The following TBCCD1 variants were observed in gnomAD, a reference collection of about 807,000 sequenced individuals.
TBCCD1 encodes the protein TBCC domain containing 1, also known as TBCC domain-containing protein 1.
TBCCD1 carries 26 observed loss-of-function variants against 53.4 expected under a neutral mutation model. That is an observed-to-expected ratio of 0.49 (90% CI 0.36 to 0.68). The LOEUF (loss-of-function observed/expected upper bound fraction) is 0.68. Among genes scored for constraint, TBCCD1 ranks in the 30% least tolerant of loss-of-function variants. The pLI, the probability that TBCCD1 is intolerant of heterozygous loss-of-function variation, is 0.00. For missense variants in TBCCD1, 558 were observed against 669.5 expected (o/e 0.83, Z 1.84); for synonymous variants, 245 against 241.7 (o/e 1.01, Z -0.13).
chr3:186,550,344 G>A (rs569709355), intron 7 of TBCCD1, among the ~76,000 whole-genome samples: 1 of 152,196 alleles, frequency 6.6e-6, no homozygotes, highest in African/African-American at 2.4e-5. Context: ...CATCACTTTG[G>A]GAAGCCAAGG....
At chr3:186,570,252 T>C, upstream of TBCCD1, 1 of 590,784 alleles carries the variant, frequency 1.7e-6, no homozygotes, top group East Asian at 2.8e-5. Context: ...TGTCGTGGAA[T>C]AACTGTTCCC....
chr3:186,551,075 T>TA (rs1714358879), intron 7 of TBCCD1, 54 bp downstream of exon 7: 3 of 1,560,226 alleles, frequency 1.9e-6, no homozygotes, highest in East Asian at 2.2e-5. Flanking sequence ...GCCTTTTTTT[T>TA]ATGCTTGAAA....
At chr3:186,570,103 T>C, upstream of TBCCD1, 1 of 702,164 alleles carries the variant, frequency 1.4e-6, no homozygotes, top group Non-Finnish European at 2.6e-6. Context: ...GTGGGGGGTC[T>C]CACCACTAAG....
rs780610943 is a variant in TBCCD1 at position 186,564,281 on chromosome 3, C to G, written c.49G>C (p.Val17Leu). Residue 17 changes from valine (V) to leucine (L), a missense_variant, in exon 2 of 8, where the codon GTG (valine) becomes CTG (leucine). Transcript: ENST00000338733. ...GGAGGGGGGACCTGCAAGGCACCCACTATAAAGGGTTCTGCTTTCACCCAG... is the reference window on the plus strand; with the variant it reads ...GGAGGGGGGACCTGCAAGGCACCCAGTATAAAGGGTTCTGCTTTCACCCAG... ...LLWVKAEPFI[V>L]GALQVPPPSK... 3.1e-6 allele frequency: 5 copies of G among 1,614,144 alleles called. No individual in the cohort carries two copies. The highest frequency in any genetic ancestry group is 4.2e-6 in the Non-Finnish European group (5 of 1,180,012).
In TBCCD1 at chr3:186,558,525, C is replaced by T; in HGVS notation, c.384G>A (p.Gln128=). Residue 128 remains glutamine, a synonymous_variant, in exon 3 of 8, where the codon CAG becomes CAA. Coordinates refer to ENST00000338733, the MANE Select transcript of TBCCD1 (RefSeq NM_018138.5). The part of the protein sequence containing the change: ...LQFLLFLYIQ[Q]LNKVSLRTSL... The stretch of plus-strand genomic sequence containing the variant: ...ATGTCCTTAGGGAGACCTTGTTCAA[C>T]TGTTGAATGTATAAGAAGAGCAGAA... The T allele has an allele frequency of 6.2e-7, 1 of 1,614,176 alleles. No individual in the cohort carries two copies. The highest frequency in any genetic ancestry group is 2.2e-5 in the East Asian group (1 of 44,870).
chr3:186,557,906 G>A (rs1263619973), intron 3 of TBCCD1, among the ~76,000 whole-genome samples: 2 of 152,060 alleles, frequency 1.3e-5, no homozygotes, highest in Non-Finnish European at 2.9e-5. Flanking sequence ...ACAAGAACAA[G>A]TAAAAATATT....
At chr3:186,549,302 A>AAATT (rs1301584657) in intron 7 of TBCCD1, among the ~76,000 whole-genome samples, 2 of 152,108 alleles carry the variant, frequency 1.3e-5, no homozygotes, top group Non-Finnish European at 2.9e-5. Flanking sequence ...ATAAATAAAT[A>AAATT]AATTAATTAA....
upstream of TBCCD1, chr3:186,567,485 A>C (rs1714875119): frequency 6.6e-6 from 1 of 152,082 alleles, no homozygotes; most frequent in African/African-American, 2.4e-5. Flanking sequence ...GAGAGTCCGC[A>C]ACAGTGGCAC....
In TBCCD1 at chr3:186,554,574, G is replaced by A. The variant is rs775123210; in HGVS notation, c.1224C>T (p.Leu408=). ...CAAAAGTTACTGTCTGGTTCCCAGA[G>A]AGAATAAGTGGGCGTGTAGGCGTAA... is the stretch of plus-strand genomic sequence containing the variant. ...HVLTPTRPLI[L]SGNQTVTFAP... The change falls in exon 6 of 8, where the codon CTC becomes CTT. Residue 408 remains leucine (L), a synonymous_variant. Transcript: ENST00000338733. The A allele has an allele frequency of 6.2e-7, 1 of 1,614,220 alleles. No homozygotes were observed. Among genetic ancestry groups the A allele is most frequent in the East Asian group, 2.2e-5 (1 of 44,882 alleles).
intron 7 of TBCCD1, 34 bp downstream of exon 7, chr3:186,551,094 CA>C (rs1714359344): frequency 6.4e-7 from 1 of 1,568,642 alleles, no homozygotes; most frequent in South Asian, 1.2e-5. Context: ...AAGATTTCCC[CA>C]AAAGAATCTG....
intron 2 of TBCCD1, 133 bp downstream of exon 2, chr3:186,563,861 C>A: frequency 2.6e-6 from 3 of 1,144,328 alleles, no homozygotes; most frequent in Non-Finnish European, 3.6e-6. Context: ...GCCGGGAGTT[C>A]AAGACCAGCC....
rs1714768556 is a variant in TBCCD1 at position 186,564,330 on chromosome 3, A to G, written c.-1T>C. 8.7e-6 allele frequency: 14 copies of G among 1,601,300 alleles called. No homozygotes were observed. The highest frequency in any genetic ancestry group is 1.2e-5 in the Non-Finnish European group (14 of 1,172,804). ...AGAGGAGAACTCTGGACTGATCCAT[A>G]TTATCTCTAAGGACATCAGGGTGAA... is the stretch of plus-strand genomic sequence containing the variant. On this transcript the variant is annotated 5_prime_UTR_variant, in exon 2 of 8. Coordinates refer to ENST00000338733, the MANE Select transcript of TBCCD1 (RefSeq NM_018138.5).
intron 2 of TBCCD1, 49 bp from the exon 3 acceptor site, chr3:186,558,621 C>A (rs753569152): frequency 2.5e-6 from 4 of 1,583,356 alleles, no homozygotes; most frequent in East Asian, 4.5e-5. Context: ...AAACATCAAC[C>A]ACTAGTCTAA....
At chr3:186,566,230 G>A (rs920717228) in intron 1 of TBCCD1, among the ~76,000 whole-genome samples, 8 of 152,096 alleles carry the variant, frequency 5.3e-5, no homozygotes, top group Admixed American at 1.3e-4. Flanking sequence ...AGTACAGACA[G>A]GGTTTCACCA....
At chr3:186,566,550 G>A (rs1438832707) in intron 1 of TBCCD1, among the ~76,000 whole-genome samples, 2 of 152,172 alleles carry the variant, frequency 1.3e-5, no homozygotes, top group Non-Finnish European at 2.9e-5. Context: ...TTTCCCTAAG[G>A]ACACCTACTT....
intron 1 of TBCCD1, among the ~76,000 whole-genome samples, chr3:186,566,715 G>C (rs1329766119): frequency 6.6e-6 from 1 of 152,234 alleles, no homozygotes; most frequent in Admixed American, 6.5e-5. Flanking sequence ...AGGAAGCCAG[G>C]TGAAAGAACC....
At chr3:186,551,108 T>A in intron 7 of TBCCD1, 21 bp downstream of exon 7, 2 of 1,595,206 alleles carry the variant, frequency 1.3e-6, no homozygotes, top group Non-Finnish European at 8.5e-7. Flanking sequence ...AGAATCTGTT[T>A]TAAGTGGTAT....
At position 186,551,421 on chromosome 3, in the gene TBCCD1, G is replaced by A. The variant is rs1026373110; in HGVS notation, c.1545-142C>T. On this transcript the variant is annotated intron_variant, in intron 6 of 7. Transcript: ENST00000338733. ...TATCCTTTTGTTCTCACTGTTCAGA[G>A]TACACTGGACACCCCCACCCCACAA... The A allele has an allele frequency of 4.3e-5, 37 of 851,340 alleles. No individual in the cohort carries two copies. The African/African-American group carries it at 5.7e-4, about 13-fold the overall frequency. 52.7% of individuals were successfully genotyped at this position (851,340 alleles called of 1,614,324 possible). A position where few individuals can be genotyped will look rare whatever the true frequency, so the allele number is the denominator to read the frequency against.
In TBCCD1 at chr3:186,551,297, A is replaced by G. The variant is rs749837307; in HGVS notation, c.1545-18T>C. 4.4e-5 allele frequency: 70 copies of G among 1,606,780 alleles called. 1 individual carries two copies. The Middle Eastern group carries it at 2.5e-3, about 57-fold the overall frequency. ...TTTGATCCCTAAAATTGCGATTATG[A>G]GTAAAAAGAATATAAGAACATGAAT... On this transcript the variant is annotated intron_variant, in intron 6 of 7. Transcript: ENST00000338733.
Sources: gnomAD v4.1 joint callset for allele counts (sites outside exome capture counted in the v4.1 genomes callset) on GRCh38, gnomAD v4.1.1 for gene constraint, MANE v1.5 for transcripts, NCBI Gene and HGNC (gene_info 2026-07-23, HGNC 2026-07-21) for gene names.